Variants in ETFB observed in about 807,000 individuals in gnomAD.
The protein encoded by ETFB is electron transfer flavoprotein subunit beta, also known as beta-ETF.
Under a neutral mutation model 25.6 loss-of-function variants are expected in ETFB, and 20 were observed. The observed-to-expected ratio is 0.78, with a 90% CI of 0.55 to 1.14. ETFB has a LOEUF of 1.14. ETFB is among the 50% of genes most tolerant of loss of function. The probability of loss-of-function intolerance (pLI) is 0.00; values close to 1 mark genes in which losing one functional copy is unlikely to be tolerated. For missense variants in ETFB, 286 were observed against 342.6 expected, an observed-to-expected ratio of 0.83 and a Z score of 1.30; for synonymous variants, 142 against 146.7, an observed-to-expected ratio of 0.97 and a Z score of 0.23.
At chr19:51,359,633 C>T (rs1986171549) in intron 1 of ETFB, among the ~76,000 whole-genome samples, 1 of 152,270 alleles carries the variant, frequency 6.6e-6, no homozygotes. Flanking sequence ...ACTAGCTCAT[C>T]TTCTCAATTA....
intron 1 of ETFB, among the ~76,000 whole-genome samples, chr19:51,362,076 G>C (rs2123611569): frequency 6.6e-6 from 1 of 151,840 alleles, no homozygotes; most frequent in Non-Finnish European, 1.5e-5. Context: ...CCCTGAACAG[G>C]ACAGGGTGTT....
intron 2 of ETFB, 97 bp from the exon 3 acceptor site, chr19:51,353,387 G>GC (rs1985979452): frequency 1.6e-6 from 1 of 616,960 alleles, no homozygotes; most frequent in South Asian, 2.0e-5. Flanking sequence ...GGAGTCCAGG[G>GC]CCCCATCCCC....
At chr19:51,359,068 C>T (rs1242823317) in intron 1 of ETFB, among the ~76,000 whole-genome samples, 1 of 151,772 alleles carries the variant, frequency 6.6e-6, no homozygotes, top group Non-Finnish European at 1.5e-5. Context: ...AGAGAAAGAA[C>T]TGTTATTTTC....
intron 1 of ETFB, among the ~76,000 whole-genome samples, chr19:51,362,296 A>C (rs1373701330): frequency 2.0e-5 from 3 of 152,026 alleles, no homozygotes; most frequent in Non-Finnish European, 4.4e-5. Context: ...CACTTATTGC[A>C]GCTGGTCACA....
intron 4 of ETFB, among the ~76,000 whole-genome samples, chr19:51,348,927 A>G (rs1985864323): frequency 6.6e-6 from 1 of 152,222 alleles, no homozygotes; most frequent in Non-Finnish European, 1.5e-5. Context: ...AGAAAATCCA[A>G]AAAACGTAAA....
chr19:51,349,374 A>T (rs1003063224), intron 4 of ETFB, among the ~76,000 whole-genome samples: 1 of 151,960 alleles, frequency 6.6e-6, no homozygotes, highest in Admixed American at 6.5e-5. Flanking sequence ...GAAATAAAAT[A>T]TAATTTTGTC....
intron 1 of ETFB, among the ~76,000 whole-genome samples, chr19:51,362,434 C>T (rs2123612814): frequency 6.7e-6 from 1 of 150,054 alleles, no homozygotes; most frequent in Middle Eastern, 3.4e-3. Context: ...AAAAATTAGC[C>T]AGGCGTGGTG....
intron 1 of ETFB, among the ~76,000 whole-genome samples, chr19:51,364,775 G>A (rs1217095797): frequency 2.0e-5 from 3 of 152,216 alleles, no homozygotes; most frequent in African/African-American, 7.2e-5. Context: ...GGGCATTGAG[G>A]GAGATGGGAG....
chr19:51,351,041 G>T (rs1047715746), intron 3 of ETFB, among the ~76,000 whole-genome samples: 1 of 152,222 alleles, frequency 6.6e-6, no homozygotes, highest in African/African-American at 2.4e-5. Context: ...GGGACATGTG[G>T]GGCCACCTGG....
At chr19:51,349,821 C>T (rs988610777) in intron 4 of ETFB, among the ~76,000 whole-genome samples, 1 of 148,700 alleles carries the variant, frequency 6.7e-6, no homozygotes, top group Non-Finnish European at 1.5e-5. Flanking sequence ...GCGATCTTGC[C>T]TCACTGTAAC....
chr19:51,347,549 G>T (rs1241607770), intron 4 of ETFB: 2 of 189,554 alleles, frequency 1.1e-5, no homozygotes, highest in Non-Finnish European at 2.2e-5. Flanking sequence ...GCAGACAACA[G>T]AACTGTGTGT....
Position 51,360,490 on chromosome 19 carries a change from C to T in ETFB, c.57+5780G>A, listed in dbSNP as rs185151301. Among the ~76,000 whole-genome samples the T allele has an allele frequency of 2.6e-4, 39 of 152,214 alleles. No homozygotes were observed. In the East Asian group the frequency reaches 7.3e-3, roughly 29 times the overall value. Reference sequence around the variant, plus strand: ...GAGTCAAGGGTTTTATATGCATTAACTCGTTTGACCATCCTAGTAGCCTGT... The same window carrying T: ...GAGTCAAGGGTTTTATATGCATTAATTCGTTTGACCATCCTAGTAGCCTGT... On this transcript the variant is annotated intron_variant, in intron 1 of 5. Transcript: ENST00000309244.
At position 51,353,085 on chromosome 19, in the gene ETFB, C is replaced by T. The variant is rs370389778; in HGVS notation, c.375+47G>A. 81 of 1,611,304 alleles carry T rather than the reference C, an allele frequency of 5.0e-5. No individual in the cohort carries two copies. In the African/African-American group the frequency reaches 7.5e-4, roughly 15 times the overall value. ...CCCCGTATCTCCACCACCCTCCTCC[C>T]GAGCAGGGATGAGCAAGGGGGCACA... On this transcript the variant is annotated intron_variant, in intron 3 of 5. Coordinates refer to ENST00000309244, the MANE Select transcript of ETFB (RefSeq NM_001985.3).
intron 3 of ETFB, among the ~76,000 whole-genome samples, chr19:51,351,362 T>C (rs1383582129): frequency 6.6e-6 from 1 of 152,260 alleles, no homozygotes; most frequent in Non-Finnish European, 1.5e-5. Flanking sequence ...TATGTGACCC[T>C]GGATCAAGCT....
intron 1 of ETFB, among the ~76,000 whole-genome samples, chr19:51,358,172 C>T (rs1462983648): frequency 2.0e-5 from 3 of 152,224 alleles, no homozygotes; most frequent in Non-Finnish European, 2.9e-5. Context: ...CCACCCAGGG[C>T]TTGGCCAGAG....
chr19:51,349,511 G>A (rs1985878869), intron 4 of ETFB, among the ~76,000 whole-genome samples: 1 of 137,028 alleles, frequency 7.3e-6, no homozygotes. Flanking sequence ...ACAGTGGTAT[G>A]ATCACAGCTC....
rs530756336 is a variant in ETFB at position 51,359,344 on chromosome 19, C to T, written c.58-5036G>A. On this transcript the variant is annotated intron_variant, in intron 1 of 5. Transcript: ENST00000309244. ...AAGTGATGGGATTACAGGTGTGAGTCGCAGTGCCTGGCCTTTTTTCTTAAA... is the reference window on the plus strand; with the variant it reads ...AAGTGATGGGATTACAGGTGTGAGTTGCAGTGCCTGGCCTTTTTTCTTAAA... Among the ~76,000 whole-genome samples, 9 of 151,830 alleles carry T rather than the reference C, an allele frequency of 5.9e-5. No individual in the cohort carries two copies. The South Asian group carries it at 1.9e-3, about 31-fold the overall frequency.
chr19:51,364,185 A>G (rs1986296787), intron 1 of ETFB, among the ~76,000 whole-genome samples: 1 of 152,062 alleles, frequency 6.6e-6, no homozygotes, highest in South Asian at 2.1e-4. Context: ...ACCAAGAGAC[A>G]ATAGGGCAAG....
At chr19:51,361,690 C>G (rs1986231187) in intron 1 of ETFB, 2 of 144,434 alleles carry the variant, frequency 1.4e-5, no homozygotes, top group African/African-American at 5.1e-5. Flanking sequence ...TGCCCAGCCT[C>G]TCCTGGGTTT....
Sources: allele counts gnomAD v4.1 joint callset (sites outside exome capture counted in the v4.1 genomes callset), GRCh38; gene constraint gnomAD v4.1.1; transcripts MANE v1.5; gene names NCBI Gene and HGNC (gene_info 2026-07-23, HGNC 2026-07-21).